GRID1: variants seen among roughly 807,000 people sequenced by gnomAD.
GRID1 encodes glutamate ionotropic receptor delta type subunit 1.
A neutral mutation model predicts 98.0 loss-of-function variants in GRID1; 28 were observed. That is an observed-to-expected ratio of 0.29 (90% CI 0.21 to 0.39). The LOEUF is 0.39. Ranked by LOEUF, GRID1 falls within the 10% of genes least tolerant of loss-of-function variation. The pLI is 1.00. For missense variants in GRID1, 1,111 were observed against 1,340.5 expected (o/e 0.83, Z 2.67); for synonymous variants, 553 against 538.5 (o/e 1.03, Z -0.37).
intron 4 of GRID1, among the ~76,000 whole-genome samples, chr10:86,034,456 G>A (rs1843227975): frequency 6.6e-6 from 1 of 152,090 alleles, no homozygotes; most frequent in East Asian, 1.9e-4. Context: ...GGGTTTAGCT[G>A]TCTCCATTTT....
At chr10:86,248,599 A>G (rs1189796230) in intron 2 of GRID1, among the ~76,000 whole-genome samples, 3 of 116,010 alleles carry the variant, frequency 2.6e-5, no homozygotes, top group Non-Finnish European at 5.0e-5. Flanking sequence ...TTTTTTTGAG[A>G]CAAGGTCTCA....
chr10:86,333,488 T>G (rs527275923), intron 2 of GRID1, among the ~76,000 whole-genome samples: 10 of 152,354 alleles, frequency 6.6e-5, no homozygotes, highest in Non-Finnish European at 1.3e-4. Flanking sequence ...GAGCCTGCCT[T>G]GCAGCAAGCT....
chr10:86,060,212 C>A (rs1371741284), intron 4 of GRID1, among the ~76,000 whole-genome samples: 5 of 152,216 alleles, frequency 3.3e-5, no homozygotes. Flanking sequence ...TCAAATGCTA[C>A]AAATAGACAT....
At chr10:86,117,074 TAAC>T (rs1480681252) in intron 4 of GRID1, among the ~76,000 whole-genome samples, 2 of 141,862 alleles carry the variant, frequency 1.4e-5, no homozygotes, top group South Asian at 2.3e-4. Flanking sequence ...CCACCACCAA[TAAC>T]AACACCTTTA....
intron 4 of GRID1, among the ~76,000 whole-genome samples, chr10:85,919,667 T>A (rs1841673989): frequency 6.6e-6 from 1 of 152,188 alleles, no homozygotes; most frequent in African/African-American, 2.4e-5. Context: ...CAGCTACAAC[T>A]GCAGCAGGTG....
intron 4 of GRID1, among the ~76,000 whole-genome samples, chr10:86,045,410 A>G (rs1330583851): frequency 3.3e-5 from 5 of 152,204 alleles, no homozygotes; most frequent in Admixed American, 3.3e-4. Flanking sequence ...GTCGATCAAC[A>G]GAGTAATATG....
intron 2 of GRID1, among the ~76,000 whole-genome samples, chr10:86,347,712 C>G (rs1280655761): frequency 6.6e-6 from 1 of 152,188 alleles, no homozygotes. Flanking sequence ...AGCGATGCAG[C>G]CTCTGGCCTT....
At chr10:85,754,148 A>G (rs1842073648) in intron 8 of GRID1, among the ~76,000 whole-genome samples, 1 of 152,228 alleles carries the variant, frequency 6.6e-6, no homozygotes, top group African/African-American at 2.4e-5. Context: ...ACATGCCACC[A>G]GCCTAAATGA....
intron 5 of GRID1, among the ~76,000 whole-genome samples, chr10:85,881,008 G>A (rs1489506085): frequency 6.6e-6 from 1 of 152,160 alleles, no homozygotes; most frequent in Non-Finnish European, 1.5e-5. Flanking sequence ...AATCATGAGT[G>A]AACTCCTATT....
intron 2 of GRID1, among the ~76,000 whole-genome samples, chr10:86,250,088 G>T (rs1436742586): frequency 6.6e-6 from 1 of 152,136 alleles, no homozygotes; most frequent in Non-Finnish European, 1.5e-5. Context: ...TAGATGGATG[G>T]GTGAGTAGGT....
At chr10:85,779,157 T>C (rs1403473826) in intron 8 of GRID1, among the ~76,000 whole-genome samples, 1 of 152,226 alleles carries the variant, frequency 6.6e-6, no homozygotes, top group Admixed American at 6.5e-5. Flanking sequence ...CTCTGCTGCC[T>C]GTCAAGGAAG....
intron 4 of GRID1, among the ~76,000 whole-genome samples, chr10:85,923,238 C>A (rs1841730187): frequency 6.6e-6 from 1 of 152,084 alleles, no homozygotes; most frequent in South Asian, 2.1e-4. Context: ...CCCATCTGGG[C>A]AGAGGGAAAA....
chr10:85,613,346 G>A, intron 15 of GRID1, 61 bp downstream of exon 15: 3 of 1,531,586 alleles, frequency 2.0e-6, no homozygotes, highest in Non-Finnish European at 2.6e-6. Context: ...CCTCCCAATG[G>A]CCCAGTGTGA....
intron 4 of GRID1, among the ~76,000 whole-genome samples, chr10:86,109,536 C>T (rs1844444914): frequency 6.6e-6 from 1 of 152,268 alleles, no homozygotes. Context: ...AGGACAACCA[C>T]ACACATTGCT....
In GRID1 at chr10:86,083,814, C is replaced by A. The variant is rs867410758; in HGVS notation, c.726+55005G>T. On this transcript the variant is annotated intron_variant, in intron 4 of 15. Coordinates refer to ENST00000327946, the MANE Select transcript of GRID1 (RefSeq NM_017551.3). Reference sequence around the variant, plus strand: ...CTGCAGGCAGCTTTCCACCTGAATACCCCAATCCAGTGCACACCAAACTCC... The same window carrying A: ...CTGCAGGCAGCTTTCCACCTGAATAACCCAATCCAGTGCACACCAAACTCC... Among the ~76,000 whole-genome samples, 17 of 152,206 alleles carry A rather than the reference C, an allele frequency of 1.1e-4. 1 individual carries two copies. Among genetic ancestry groups the A allele is most frequent in the South Asian group, 2.1e-4 (1 of 4,832 alleles).
At chr10:86,219,292 G>A (rs1429412920) in intron 2 of GRID1, among the ~76,000 whole-genome samples, 2 of 152,156 alleles carry the variant, frequency 1.3e-5, no homozygotes, top group African/African-American at 2.4e-5. Flanking sequence ...CCAATCCATC[G>A]TCCACCTTTC....
intron 12 of GRID1, among the ~76,000 whole-genome samples, chr10:85,693,477 G>T (rs1465545689): frequency 6.6e-6 from 1 of 151,788 alleles, no homozygotes; most frequent in Non-Finnish European, 1.5e-5. Context: ...TAATAATAAG[G>T]TATCAGTATT....
chr10:85,700,600 A>C (rs978916486), intron 12 of GRID1, among the ~76,000 whole-genome samples: 1 of 152,208 alleles, frequency 6.6e-6, no homozygotes, highest in African/African-American at 2.4e-5. Flanking sequence ...GCCTTTTTCA[A>C]ATGACTCTGC....
intron 8 of GRID1, among the ~76,000 whole-genome samples, chr10:85,765,412 G>A (rs761535558): frequency 6.6e-6 from 1 of 152,110 alleles, no homozygotes; most frequent in Non-Finnish European, 1.5e-5. Flanking sequence ...GAAAAAGTAG[G>A]ATACAAGTTG....
Sources: gnomAD v4.1 joint callset for allele counts (sites outside exome capture counted in the v4.1 genomes callset) on GRCh38, gnomAD v4.1.1 for gene constraint, MANE v1.5 for transcripts, NCBI Gene and HGNC (gene_info 2026-07-23, HGNC 2026-07-21) for gene names.